ARHGAP26: variants seen among roughly 807,000 people sequenced by gnomAD.
The protein encoded by ARHGAP26 is rho GTPase-activating protein 26.
In ARHGAP26, 38 loss-of-function variants were observed where a neutral mutation model predicts 104.8. That is an observed-to-expected ratio of 0.36 (90% CI 0.28 to 0.48). The LOEUF (loss-of-function observed/expected upper bound fraction) is 0.48. Among genes scored for constraint, ARHGAP26 ranks in the 20% least tolerant of loss-of-function variants. The pLI, the probability that ARHGAP26 is intolerant of heterozygous loss-of-function variation, is 0.99. For synonymous variants in ARHGAP26, 341 were observed against 340.0 expected, an observed-to-expected ratio of 1.00 and a Z score of -0.03; for missense variants, 704 against 947.9, an observed-to-expected ratio of 0.74 and a Z score of 3.38.
At chr5:143,020,727 C>G (rs566504321) in intron 12 of ARHGAP26, among the ~76,000 whole-genome samples, 2 of 150,460 alleles carry the variant, frequency 1.3e-5, no homozygotes, top group Non-Finnish European at 2.9e-5. Context: ...CAAGCTCCCC[C>G]TCCCGGGTTC....
intron 19 of ARHGAP26, among the ~76,000 whole-genome samples, chr5:143,143,252 A>G (rs1798777083): frequency 6.6e-6 from 1 of 152,114 alleles, no homozygotes; most frequent in African/African-American, 2.4e-5. Flanking sequence ...AGACGTGTGA[A>G]TTTGGCTTGG....
intron 1 of ARHGAP26, among the ~76,000 whole-genome samples, chr5:142,779,670 C>T (rs1217098952): frequency 6.6e-6 from 1 of 152,198 alleles, no homozygotes. Context: ...AAGTTTACTG[C>T]AGGCTAATTT....
intron 13 of ARHGAP26, chr5:143,041,547 G>A (rs1459621025): frequency 2.9e-6 from 1 of 347,728 alleles, no homozygotes; most frequent in Non-Finnish European, 5.6e-6. Context: ...GCTGCCTTTG[G>A]CAAGAGAAAG....
intron 20 of ARHGAP26, among the ~76,000 whole-genome samples, chr5:143,156,904 G>A (rs1026297862): frequency 2.0e-5 from 3 of 152,246 alleles, no homozygotes; most frequent in East Asian, 1.9e-4. Context: ...TCGCAAATGC[G>A]TGCCTGTTGG....
intron 22 of ARHGAP26, among the ~76,000 whole-genome samples, chr5:143,215,253 AG>A (rs1177256355): frequency 2.6e-5 from 4 of 152,382 alleles, no homozygotes; most frequent in African/African-American, 7.2e-5. Flanking sequence ...AGGTGAATCC[AG>A]GGCTTAAAGG....
intron 12 of ARHGAP26, among the ~76,000 whole-genome samples, chr5:143,018,480 C>A (rs573496648): frequency 2.6e-5 from 4 of 152,308 alleles, no homozygotes; most frequent in Admixed American, 2.0e-4. Context: ...GTGTCTTGCA[C>A]ATTTAAGTTT....
At chr5:142,835,274 C>T (rs1324492945) in intron 1 of ARHGAP26, among the ~76,000 whole-genome samples, 2 of 152,160 alleles carry the variant, frequency 1.3e-5, no homozygotes, top group Non-Finnish European at 2.9e-5. Flanking sequence ...TTCTTCAAAG[C>T]ACATTTGTAC....
intron 20 of ARHGAP26, among the ~76,000 whole-genome samples, chr5:143,158,261 A>T (rs534002522): frequency 6.6e-6 from 1 of 152,208 alleles, no homozygotes; most frequent in Non-Finnish European, 1.5e-5. Flanking sequence ...CATTGATATA[A>T]TTTTAAAAAG....
intron 20 of ARHGAP26, among the ~76,000 whole-genome samples, chr5:143,191,435 A>G (rs1019701014): frequency 8.5e-5 from 13 of 152,324 alleles, no homozygotes; most frequent in Admixed American, 8.5e-4. Flanking sequence ...AAGAGGGTAT[A>G]AAAGGATTAG....
rs1047847570 is a variant in ARHGAP26, at chr5:142,956,509, C to T, written c.1107+24384C>T. Reference sequence around the variant, plus strand: ...GGAGGATTGCTTGAACCCAGGAGTTCGAGGCTGCAGCGAGCTATGATTGCA... The same window carrying T: ...GGAGGATTGCTTGAACCCAGGAGTTTGAGGCTGCAGCGAGCTATGATTGCA... On this transcript the variant is annotated intron_variant, in intron 11 of 22. Transcript: ENST00000645722. 7.2e-5 allele frequency among the ~76,000 whole-genome samples: 11 copies of T among 152,108 alleles called. No homozygotes were observed. In the South Asian group the frequency reaches 8.3e-4, roughly 11 times the overall value.
chr5:143,008,672 A>C (rs979192511), intron 11 of ARHGAP26, among the ~76,000 whole-genome samples: 3 of 152,246 alleles, frequency 2.0e-5, no homozygotes, highest in Admixed American at 6.5e-5. Context: ...ATTTTGATCC[A>C]AAGTGTGGTA....
At chr5:142,907,634 T>G (rs182671658) in intron 8 of ARHGAP26, 70 bp from the exon 9 acceptor site, 12 of 1,070,892 alleles carry the variant, frequency 1.1e-5, no homozygotes, top group African/African-American at 1.6e-5. Flanking sequence ...TGGGTTGTGG[T>G]TTTTCCAGCT....
intron 1 of ARHGAP26, among the ~76,000 whole-genome samples, chr5:142,857,795 G>A (rs2152292549): frequency 6.6e-6 from 1 of 152,166 alleles, no homozygotes; most frequent in Non-Finnish European, 1.5e-5. Flanking sequence ...CTCAGGTTTA[G>A]TGCTATTAGC....
rs3776328 is a variant in ARHGAP26, at chr5:143,065,346, A to G, written c.1538+7599A>G. ...TGCTGCATCCTCTTTGAATTGCATC[A>G]TGAGTGTTATCTGCGATACTTATGT... On this transcript the variant is annotated intron_variant, in intron 17 of 22. Transcript: ENST00000645722. Among the ~76,000 whole-genome samples, 8 of 152,080 alleles carry G rather than the reference A, an allele frequency of 5.3e-5. No individual in the cohort carries two copies. In the East Asian group the frequency reaches 1.3e-3, roughly 26 times the overall value.
chr5:142,906,481 G>A (rs1761122498), intron 8 of ARHGAP26, among the ~76,000 whole-genome samples: 1 of 152,106 alleles, frequency 6.6e-6, no homozygotes, highest in Non-Finnish European at 1.5e-5. Flanking sequence ...GAAGAGTCCT[G>A]CTCCTCTTTC....
intron 12 of ARHGAP26, among the ~76,000 whole-genome samples, chr5:143,036,475 G>C (rs1223894456): frequency 6.6e-6 from 1 of 152,190 alleles, no homozygotes; most frequent in Non-Finnish European, 1.5e-5. Context: ...CTGCCTTCAT[G>C]CTGCTTCCTT....
In ARHGAP26 at chr5:142,960,630, G is replaced by A. The variant is rs562855719; in HGVS notation, c.1107+28505G>A. 1.5e-4 allele frequency among the ~76,000 whole-genome samples: 23 copies of A among 152,312 alleles called. No individual in the cohort carries two copies. The South Asian group carries it at 4.1e-3, about 27-fold the overall frequency. On this transcript the variant is annotated intron_variant, in intron 11 of 22. Transcript: ENST00000645722. ...TCTCTTGTTATGAGGGGAGACTACT[G>A]TAATGTGAAAGAAACTCCCATTGAA...
At chr5:143,142,639 G>A (rs1044258475) in intron 19 of ARHGAP26, among the ~76,000 whole-genome samples, 5 of 152,152 alleles carry the variant, frequency 3.3e-5, no homozygotes, top group African/African-American at 9.7e-5. Context: ...GTGTGGCTTG[G>A]CATGTCACTA....
intron 17 of ARHGAP26, among the ~76,000 whole-genome samples, chr5:143,091,151 G>A (rs1157222055): frequency 6.6e-6 from 1 of 152,188 alleles, no homozygotes; most frequent in East Asian, 1.9e-4. Flanking sequence ...TATGGCCCAC[G>A]ACTCTGGAGG....
Sources: gnomAD v4.1 joint callset for allele counts (sites outside exome capture counted in the v4.1 genomes callset) on GRCh38, gnomAD v4.1.1 for gene constraint, MANE v1.5 for transcripts, NCBI Gene and HGNC (gene_info 2026-07-23, HGNC 2026-07-21) for gene names.